The following NOXRED1 variants were observed in gnomAD, a reference collection of about 807,000 sequenced individuals.
NOXRED1 encodes NADP dependent oxidoreductase domain containing 1, also known as NADP-dependent oxidoreductase domain-containing protein 1.
NOXRED1 carries 20 observed loss-of-function variants against 30.4 expected under a neutral mutation model. The ratio of observed to expected loss-of-function variants is 0.66; its 90% CI spans 0.46 to 0.96. The LOEUF is 0.96. Ranked by LOEUF, NOXRED1 falls within the 40% of genes least tolerant of loss-of-function variation. The pLI, the probability that NOXRED1 is intolerant of heterozygous loss-of-function variation, is 0.00. For missense variants in NOXRED1, 374 were observed against 428.0 expected, an observed-to-expected ratio of 0.87 and a Z score of 1.11; for synonymous variants, 155 against 168.0, an observed-to-expected ratio of 0.92 and a Z score of 0.60.
At position 77,422,846 on chromosome 14, in the gene NOXRED1, C is replaced by A; in HGVS notation, c.44G>T (p.Gly15Val). 6.2e-7 allele frequency: 1 copy of A among 1,613,874 alleles called. No homozygotes were observed. The highest frequency in any genetic ancestry group is 8.5e-7 in the Non-Finnish European group (1 of 1,179,840). The change falls in exon 1 of 6, where the codon GGG (glycine) becomes GTG (valine). Residue 15 changes from glycine to valine, a missense_variant. Transcript: ENST00000380835. ...CCAGATACGATCTTCCTCTGGAACC[C>A]CATACTCAAACTGCAGGGACTCAAG... ...QDLESLQFEYGVPEEDRIWLY... is the reference protein window; with the variant it reads ...QDLESLQFEYVVPEEDRIWLY...
At chr14:77,412,101 TAAAAAAA>T (rs71128621) in intron 2 of NOXRED1, among the ~76,000 whole-genome samples, 1 of 63,736 alleles carries the variant, frequency 1.6e-5, no homozygotes, top group Non-Finnish European at 3.1e-5. Context: ...AGACTCAGTC[TAAAAAAA>T]AAAAAAAAAA....
Position 77,423,312 on chromosome 14 carries a change from C to A in NOXRED1, c.-423G>T, listed in dbSNP as rs1895051588. On this transcript the variant is annotated 5_prime_UTR_variant, in exon 1 of 6. Transcript: ENST00000380835. ...GGAAATAGGACTGAACACATAGAAC[C>A]ACATTTCAAAGAAATGCTTCCCTTT... Among the ~76,000 whole-genome samples the A allele has an allele frequency of 6.6e-6, 1 of 152,136 alleles. No homozygotes were observed. The highest frequency in any genetic ancestry group is 1.5e-5 in the Non-Finnish European group (1 of 68,030).
At chr14:77,408,892 A>ATTTTTTTATTTTTTTTTTTT (rs1894556624) in intron 2 of NOXRED1, among the ~76,000 whole-genome samples, 1 of 68,154 alleles carries the variant, frequency 1.5e-5, no homozygotes, top group Non-Finnish European at 2.7e-5. Flanking sequence ...CTGGTAGTTA[A>ATTTTTTTATTTTTTTTTTTT]TTTTTTTTTT....
intron 2 of NOXRED1, among the ~76,000 whole-genome samples, chr14:77,409,153 A>C (rs935732772): frequency 7.2e-5 from 11 of 152,124 alleles, no homozygotes; most frequent in African/African-American, 2.2e-4. Context: ...AGTACATGGC[A>C]AATGTAATGC....
At chr14:77,405,835 AAGGAT>A in intron 5 of NOXRED1, 73 bp downstream of exon 5, 1 of 846,454 alleles carries the variant, frequency 1.2e-6, no homozygotes, top group African/African-American at 1.7e-5. Context: ...GAGAACATGA[AAGGAT>A]AAAAGAAAAA....
chr14:77,402,267 A>G (rs2139669050), intron 5 of NOXRED1, among the ~76,000 whole-genome samples: 1 of 152,372 alleles, frequency 6.6e-6, no homozygotes, highest in Middle Eastern at 3.4e-3. Context: ...GCCACAGACT[A>G]GAGAAAATAT....
chr14:77,399,055 A>G (rs1050986032), intron 5 of NOXRED1, among the ~76,000 whole-genome samples: 1 of 152,186 alleles, frequency 6.6e-6, no homozygotes, highest in Admixed American at 6.5e-5. Flanking sequence ...TAACAGGCAT[A>G]CTAAAAGCCA....
At chr14:77,425,331 T>TA (rs1239981457), upstream of NOXRED1, among the ~76,000 whole-genome samples, 1 of 152,202 alleles carries the variant, frequency 6.6e-6, no homozygotes, top group African/African-American at 2.4e-5. Context: ...CCAATTTCTC[T>TA]AAACAGGTCA....
intron 2 of NOXRED1, among the ~76,000 whole-genome samples, chr14:77,409,214 T>A (rs960588224): frequency 2.6e-5 from 4 of 152,118 alleles, no homozygotes; most frequent in African/African-American, 9.7e-5. Flanking sequence ...ATGATTTGGT[T>A]TGGCTCTGTG....
At chr14:77,422,658 TA>T (rs1381065847) in intron 1 of NOXRED1, 76 bp downstream of exon 1, 52 of 1,445,176 alleles carry the variant, frequency 3.6e-5, no homozygotes, top group Non-Finnish European at 4.2e-5. Context: ...CCCTCCAATA[TA>T]AAAAAAATTT....
Position 77,414,864 on chromosome 14 carries a change from AT to A in NOXRED1, c.156-738del, listed in dbSNP as rs375122745. Among the ~76,000 whole-genome samples the A allele has an allele frequency of 1.2e-3, 180 of 147,482 alleles. 2 individuals are homozygous for A. Among genetic ancestry groups the A allele is most frequent in the African/African-American group, 4.0e-3 (160 of 40,488 alleles). On this transcript the variant is annotated intron_variant, in intron 1 of 5. Transcript: ENST00000380835. ...TTTGTTTCTGTGCAGACAGCTTTCA[AT>A]TTTTTTTTTTATTGTGGTTAAAAAA... is the stretch of plus-strand genomic sequence containing the variant.
chr14:77,407,331 TA>T, intron 3 of NOXRED1, 133 bp downstream of exon 3: 1 of 690,270 alleles, frequency 1.4e-6, no homozygotes, highest in Non-Finnish European at 2.5e-6. Flanking sequence ...CTTCTACAGA[TA>T]AAGCTGCTTC....
At chr14:77,402,266 T>G (rs1894348686) in intron 5 of NOXRED1, among the ~76,000 whole-genome samples, 2 of 152,198 alleles carry the variant, frequency 1.3e-5, no homozygotes, top group African/African-American at 4.8e-5. Context: ...AGCCACAGAC[T>G]AGAGAAAATA....
At chr14:77,405,358 G>C (rs1379396874) in intron 5 of NOXRED1, among the ~76,000 whole-genome samples, 1 of 152,232 alleles carries the variant, frequency 6.6e-6, no homozygotes, top group African/African-American at 2.4e-5. Flanking sequence ...TCGTGCCACT[G>C]CACTCCAGCC....
intron 2 of NOXRED1, among the ~76,000 whole-genome samples, chr14:77,408,515 A>G (rs1426659744): frequency 6.6e-6 from 1 of 152,002 alleles, no homozygotes; most frequent in Non-Finnish European, 1.5e-5. Context: ...TTTTAGGAAG[A>G]AAAAAAATCT....
intron 2 of NOXRED1, among the ~76,000 whole-genome samples, chr14:77,413,239 C>A (rs1433034182): frequency 2.2e-5 from 3 of 137,172 alleles, no homozygotes; most frequent in Non-Finnish European, 4.8e-5. Context: ...CATTACAAAA[C>A]TTTTTTTTTT....
intron 5 of NOXRED1, among the ~76,000 whole-genome samples, chr14:77,403,443 A>T (rs1041815807): frequency 2.0e-5 from 3 of 152,084 alleles, no homozygotes; most frequent in Non-Finnish European, 4.4e-5. Flanking sequence ...CATCTATTGG[A>T]TTATTTTGAA....
intron 1 of NOXRED1, among the ~76,000 whole-genome samples, chr14:77,419,747 C>A (rs1894939027): frequency 6.6e-6 from 1 of 151,956 alleles, no homozygotes; most frequent in African/African-American, 2.4e-5. Flanking sequence ...CACACCTGAC[C>A]AACAGGTTTT....
chr14:77,407,966 C>G (rs1894527079), intron 2 of NOXRED1, among the ~76,000 whole-genome samples: 1 of 149,834 alleles, frequency 6.7e-6, no homozygotes, highest in Non-Finnish European at 1.5e-5. Context: ...CTCCCGGGTT[C>G]AAGCGATTCT....
Sources: allele counts gnomAD v4.1 joint callset (sites outside exome capture counted in the v4.1 genomes callset), GRCh38; gene constraint gnomAD v4.1.1; transcripts MANE v1.5; gene names NCBI Gene and HGNC (gene_info 2026-07-23, HGNC 2026-07-21).